Variants in NPAS3 observed in about 807,000 individuals in gnomAD.
NPAS3 encodes neuronal PAS domain protein 3.
A neutral mutation model predicts 73.1 loss-of-function variants in NPAS3; 14 were observed. That is an observed-to-expected ratio of 0.19 (90% CI 0.13 to 0.30). NPAS3 has a LOEUF of 0.30. Among genes scored for constraint, NPAS3 ranks in the 10% least tolerant of loss-of-function variants. NPAS3 has a pLI of 1.00. For missense variants in NPAS3, 1,096 were observed against 1,250.0 expected (o/e 0.88, Z 1.86); for synonymous variants, 620 against 541.5 (o/e 1.14, Z -2.01).
At chr14:33,335,030 T>TGG (rs2044154404) in intron 3 of NPAS3, among the ~76,000 whole-genome samples, 1 of 144,150 alleles carries the variant, frequency 6.9e-6, no homozygotes, top group African/African-American at 2.7e-5. Context: ...TGGTATTCCA[T>TGG]TGTGTGTGTG....
intron 1 of NPAS3, among the ~76,000 whole-genome samples, chr14:33,031,484 G>A (rs2039987005): frequency 2.6e-5 from 4 of 151,998 alleles, no homozygotes; most frequent in Admixed American, 2.0e-4. Flanking sequence ...AACTCACTAT[G>A]TGCTTTTCTG....
At chr14:33,357,708 T>G (rs2045403449) in intron 3 of NPAS3, among the ~76,000 whole-genome samples, 1 of 152,170 alleles carries the variant, frequency 6.6e-6, no homozygotes, top group African/African-American at 2.4e-5. Flanking sequence ...GTCCCAATTC[T>G]AAATGCTGGG....
chr14:33,450,207 A>G (rs1427513979), intron 4 of NPAS3, among the ~76,000 whole-genome samples: 1 of 152,126 alleles, frequency 6.6e-6, no homozygotes, highest in Non-Finnish European at 1.5e-5. Context: ...CAACATATAC[A>G]TTGTTGTTGC....
intron 1 of NPAS3, among the ~76,000 whole-genome samples, chr14:33,024,168 G>GTGTA (rs1435227871): frequency 6.9e-6 from 1 of 144,744 alleles, no homozygotes. Context: ...GTGTGTGTGT[G>GTGTA]TGTATGTATA....
chr14:33,464,252 G>T (rs2050405919), intron 4 of NPAS3, among the ~76,000 whole-genome samples: 1 of 152,130 alleles, frequency 6.6e-6, no homozygotes, highest in Non-Finnish European at 1.5e-5. Context: ...CATATTCTGT[G>T]TGGGACTCTC....
At position 33,240,274 on chromosome 14, in the gene NPAS3, A is replaced by G. The variant is rs78666100; in HGVS notation, c.385+24848A>G. ...TCTGATCATTCACTTACAGAATGCC[A>G]TAGTTTACTACTCAACATATCTGGT... On this transcript the variant is annotated intron_variant, in intron 3 of 11. Coordinates refer to ENST00000356141, the Ensembl canonical transcript of NPAS3. Among the ~76,000 whole-genome samples, 1,307 of 151,988 alleles carry G rather than the reference A, an allele frequency of 8.6e-3. 16 individuals are homozygous for G. Among genetic ancestry groups the G allele is most frequent in the African/African-American group, 0.029 (1,206 of 41,534 alleles).
At chr14:33,653,632 C>T (rs2059062534) in intron 5 of NPAS3, among the ~76,000 whole-genome samples, 2 of 152,180 alleles carry the variant, frequency 1.3e-5, no homozygotes, top group Admixed American at 1.3e-4. Flanking sequence ...CTCTTTCTGT[C>T]AGAGATTAGT....
At chr14:33,518,847 T>A (rs2053431458) in intron 4 of NPAS3, among the ~76,000 whole-genome samples, 1 of 151,858 alleles carries the variant, frequency 6.6e-6, no homozygotes. Flanking sequence ...TCTACCACAG[T>A]GGAATCAACA....
intron 1 of NPAS3, among the ~76,000 whole-genome samples, chr14:32,969,640 G>T (rs12590162): frequency 0.095 from 14,407 of 152,160 alleles, 821 homozygotes; most frequent in South Asian, 0.15. Context: ...TAGGATAGAA[G>T]AACTAGAAGT....
chr14:33,419,759 G>C (rs1784659054), intron 4 of NPAS3, among the ~76,000 whole-genome samples: 1 of 151,828 alleles, frequency 6.6e-6, no homozygotes, highest in Non-Finnish European at 1.5e-5. Flanking sequence ...AATCTGGTTT[G>C]TCTTATATTG....
intron 1 of NPAS3, among the ~76,000 whole-genome samples, chr14:33,030,840 C>T (rs28463860): frequency 0.052 from 7,952 of 152,126 alleles, 613 homozygotes; most frequent in African/African-American, 0.17. Context: ...AAATAACCTA[C>T]GTATGCACTA....
At chr14:33,065,656 T>C (rs2041251555) in intron 2 of NPAS3, among the ~76,000 whole-genome samples, 1 of 152,110 alleles carries the variant, frequency 6.6e-6, no homozygotes, top group Admixed American at 6.5e-5. Context: ...ATTTAAATCC[T>C]AATTTCCCTG....
chr14:33,114,845 TAG>T (rs1414136777), intron 2 of NPAS3, among the ~76,000 whole-genome samples: 4 of 152,160 alleles, frequency 2.6e-5, no homozygotes, highest in Non-Finnish European at 4.4e-5. Flanking sequence ...ATGCAATATA[TAG>T]AGAGTTTATA....
intron 2 of NPAS3, among the ~76,000 whole-genome samples, chr14:33,103,694 G>A (rs1164525690): frequency 6.6e-6 from 1 of 152,138 alleles, no homozygotes; most frequent in Non-Finnish European, 1.5e-5. Flanking sequence ...GAGAGTGATT[G>A]GGTAATAATG....
At chr14:33,411,284 G>A (rs1029808978) in intron 4 of NPAS3, among the ~76,000 whole-genome samples, 1 of 152,224 alleles carries the variant, frequency 6.6e-6, no homozygotes, top group African/African-American at 2.4e-5. Flanking sequence ...CTGGGTTCAA[G>A]CGATTCTCCT....
rs930983086 is a variant in NPAS3 at position 33,240,596 on chromosome 14, TCTGATTCA to T, written c.385+25174_385+25181del. 3.4e-4 allele frequency among the ~76,000 whole-genome samples: 52 copies of T among 152,008 alleles called. 1 individual carries two copies. The highest frequency in any genetic ancestry group is 1.2e-3 in the African/African-American group (51 of 41,532). The stretch of plus-strand genomic sequence containing the variant: ...TGGTTAGTACTCTTCTTTAATAAAC[TCTGATTCA>T]CTGTTGGAGAAGCCAAAGGAACATT... On this transcript the variant is annotated intron_variant, in intron 3 of 11. Transcript: ENST00000356141.
At chr14:33,565,017 G>C (rs1327771876) in intron 5 of NPAS3, among the ~76,000 whole-genome samples, 2 of 152,074 alleles carry the variant, frequency 1.3e-5, no homozygotes, top group Non-Finnish European at 2.9e-5. Context: ...CTTATATAAG[G>C]TATTTCCTGA....
At chr14:33,319,859 AC>A (rs1184116425) in intron 3 of NPAS3, among the ~76,000 whole-genome samples, 6 of 152,116 alleles carry the variant, frequency 3.9e-5, no homozygotes, top group Admixed American at 6.6e-5. Flanking sequence ...TACATTATGA[AC>A]TTTTTGTGAA....
rs187018599 is a variant in NPAS3, at chr14:32,997,012, G to A, written c.50+57646G>A. Among the ~76,000 whole-genome samples, 13 of 152,314 alleles carry A rather than the reference G, an allele frequency of 8.5e-5. No homozygotes were observed. The East Asian group carries it at 2.5e-3, about 29-fold the overall frequency. On this transcript the variant is annotated intron_variant, in intron 1 of 11. Coordinates refer to ENST00000356141, the Ensembl canonical transcript of NPAS3. ...TAGGAGGGAGGCTGTACCCTGCAAA[G>A]CAACAGGGGTGGAGTTGCCCAAGAC...
Sources: gnomAD v4.1 joint callset for allele counts (sites outside exome capture counted in the v4.1 genomes callset) on GRCh38, gnomAD v4.1.1 for gene constraint, MANE v1.5 for transcripts, NCBI Gene and HGNC (gene_info 2026-07-23, HGNC 2026-07-21) for gene names.